KIF26B: variants seen among roughly 807,000 people sequenced by gnomAD.
The protein encoded by KIF26B is kinesin-like protein KIF26B.
KIF26B carries 63 observed loss-of-function variants against 151.2 expected under a neutral mutation model. That is an observed-to-expected ratio of 0.42 (90% CI 0.34 to 0.51). The LOEUF (loss-of-function observed/expected upper bound fraction) is 0.51. Ranked by LOEUF, KIF26B falls within the 20% of genes least tolerant of loss-of-function variation. KIF26B has a pLI of 0.07. For missense variants in KIF26B, 2,813 were observed against 2,913.6 expected, an observed-to-expected ratio of 0.97 and a Z score of 0.79; for synonymous variants, 1,357 against 1,262.1, an observed-to-expected ratio of 1.08 and a Z score of -1.59.
chr1:245,614,521 C>T (rs992294369), intron 9 of KIF26B, among the ~76,000 whole-genome samples: 2 of 152,234 alleles, frequency 1.3e-5, no homozygotes, highest in Non-Finnish European at 2.9e-5. Flanking sequence ...TACCCTACCA[C>T]CAGGACAGAA....
intron 14 of KIF26B, among the ~76,000 whole-genome samples, chr1:245,699,383 A>G (rs2044738687): frequency 6.6e-6 from 1 of 152,146 alleles, no homozygotes; most frequent in Non-Finnish European, 1.5e-5. Context: ...ATCACACTGC[A>G]TATCTAGCCT....
At chr1:245,433,477 AAAG>A (rs549915125) in intron 4 of KIF26B, among the ~76,000 whole-genome samples, 38 of 147,828 alleles carry the variant, frequency 2.6e-4, no homozygotes, top group South Asian at 6.5e-4. Context: ...AAAAAAAAAA[AAAG>A]AAGAAGAAGA....
At chr1:245,456,585 T>C (rs1169812055) in intron 4 of KIF26B, among the ~76,000 whole-genome samples, 2 of 152,258 alleles carry the variant, frequency 1.3e-5, no homozygotes, top group Non-Finnish European at 2.9e-5. Context: ...CTATCAGCCA[T>C]TTAAATTATC....
intron 2 of KIF26B, among the ~76,000 whole-genome samples, chr1:245,288,239 A>G (rs1017728110): frequency 1.3e-5 from 2 of 152,128 alleles, no homozygotes; most frequent in African/African-American, 2.4e-5. Context: ...GCAACTAAAC[A>G]TGATTTCACA....
chr1:245,569,238 C>T (rs2043040487), intron 5 of KIF26B, among the ~76,000 whole-genome samples: 1 of 152,102 alleles, frequency 6.6e-6, no homozygotes, highest in Non-Finnish European at 1.5e-5. Flanking sequence ...TTGACTGTCT[C>T]CCAAAGTATC....
chr1:245,441,081 C>A (rs1212784230), intron 4 of KIF26B, among the ~76,000 whole-genome samples: 1 of 152,218 alleles, frequency 6.6e-6, no homozygotes, highest in African/African-American at 2.4e-5. Flanking sequence ...CTCTCCTTGG[C>A]TTCCTGTGGA....
intron 4 of KIF26B, among the ~76,000 whole-genome samples, chr1:245,508,701 C>T (rs975665054): frequency 6.6e-6 from 1 of 152,156 alleles, no homozygotes; most frequent in Non-Finnish European, 1.5e-5. Flanking sequence ...TTCGCTCTTA[C>T]TTTGAGCAGC....
intron 3 of KIF26B, among the ~76,000 whole-genome samples, chr1:245,409,462 G>C (rs1674221010): frequency 6.6e-6 from 1 of 152,182 alleles, no homozygotes; most frequent in South Asian, 2.1e-4. Flanking sequence ...AGCCTCTTCT[G>C]TTTGCAGAGT....
At chr1:245,310,788 C>T (rs528900807) in intron 2 of KIF26B, among the ~76,000 whole-genome samples, 2 of 152,230 alleles carry the variant, frequency 1.3e-5, no homozygotes, top group East Asian at 1.9e-4. Flanking sequence ...CCTGCAGAAG[C>T]GGCTGTGATG....
At chr1:245,545,785 G>A (rs1661729061) in intron 5 of KIF26B, among the ~76,000 whole-genome samples, 1 of 112,274 alleles carries the variant, frequency 8.9e-6, no homozygotes, top group Non-Finnish European at 1.9e-5. Context: ...TTTGAAAACG[G>A]TTGCTTCTCC....
intron 2 of KIF26B, among the ~76,000 whole-genome samples, chr1:245,346,700 G>A (rs932455484): frequency 2.6e-5 from 4 of 152,034 alleles, no homozygotes; most frequent in Non-Finnish European, 2.9e-5. Flanking sequence ...GCTTATTACC[G>A]GTTGTAAAGA....
In KIF26B at chr1:245,481,393, A is replaced by G. The variant is rs557400084; in HGVS notation, c.1167-59374A>G. Among the ~76,000 whole-genome samples the G allele has an allele frequency of 2.6e-5, 4 of 151,974 alleles. No homozygotes were observed. The South Asian group carries it at 6.3e-4, about 24-fold the overall frequency. Reference sequence around the variant, plus strand: ...AACTCCTGAACCATTCCCGTGCTCAAATGTAACGTAAAAAGGACAATATAA... The same window carrying G: ...AACTCCTGAACCATTCCCGTGCTCAGATGTAACGTAAAAAGGACAATATAA... On this transcript the variant is annotated intron_variant, in intron 4 of 14. Transcript: ENST00000407071.
rs759868285 is a variant in KIF26B, at chr1:245,609,226, G to T, written c.1652-40G>T. ...TGGAGACTCCGTGGAATGATGCCTG[G>T]ACACTGAACCTGCTTTTCTTCCTTC... On this transcript the variant is annotated intron_variant, in intron 7 of 14. Coordinates refer to ENST00000407071, the MANE Select transcript of KIF26B (RefSeq NM_018012.4). The T allele has an allele frequency of 6.5e-6, 10 of 1,547,936 alleles. No individual in the cohort carries two copies. In the African/African-American group the frequency reaches 1.4e-4, roughly 21 times the overall value.
intron 4 of KIF26B, among the ~76,000 whole-genome samples, chr1:245,447,360 G>A (rs760723917): frequency 8.5e-5 from 13 of 152,164 alleles, no homozygotes; most frequent in Non-Finnish European, 1.8e-4. Flanking sequence ...GCTTCGTACT[G>A]GGAGGAGAAC....
At chr1:245,651,084 C>T (rs1300684385) in intron 10 of KIF26B, among the ~76,000 whole-genome samples, 2 of 152,200 alleles carry the variant, frequency 1.3e-5, no homozygotes, top group African/African-American at 2.4e-5. Flanking sequence ...AGGCAACATC[C>T]ACTTCCAGAA....
At chr1:245,179,215 T>G (rs1336709124) in intron 2 of KIF26B, among the ~76,000 whole-genome samples, 1 of 152,200 alleles carries the variant, frequency 6.6e-6, no homozygotes, top group East Asian at 1.9e-4. Context: ...AGAGAATGCT[T>G]TAAAGAGAAA....
At chr1:245,179,495 G>A (rs757222505) in intron 2 of KIF26B, among the ~76,000 whole-genome samples, 9 of 152,140 alleles carry the variant, frequency 5.9e-5, no homozygotes, top group East Asian at 1.9e-4. Context: ...GTGGTGGTGC[G>A]CGCCTGTAGT....
chr1:245,657,770 C>T (rs2044090131), intron 10 of KIF26B, among the ~76,000 whole-genome samples: 1 of 152,190 alleles, frequency 6.6e-6, no homozygotes. Context: ...ACATACCCTA[C>T]TCCAGTACTG....
At chr1:245,478,236 C>T (rs1162484192) in intron 4 of KIF26B, among the ~76,000 whole-genome samples, 1 of 151,778 alleles carries the variant, frequency 6.6e-6, no homozygotes, top group Non-Finnish European at 1.5e-5. Context: ...ATGCATTCAT[C>T]AGTGGATGGA....
Sources: gnomAD v4.1 joint callset for allele counts (sites outside exome capture counted in the v4.1 genomes callset) on GRCh38, gnomAD v4.1.1 for gene constraint, MANE v1.5 for transcripts, NCBI Gene and HGNC (gene_info 2026-07-23, HGNC 2026-07-21) for gene names.